The following DMD variants were observed in gnomAD, a reference collection of about 807,000 sequenced individuals.
DMD encodes the protein dystrophin.
In DMD, 63 loss-of-function variants were observed where a neutral mutation model predicts 330.1. That is an observed-to-expected ratio of 0.19 (90% confidence interval 0.16 to 0.24). The LOEUF (loss-of-function observed/expected upper bound fraction) is 0.24. Among genes scored for constraint, DMD ranks in the 10% least tolerant of loss-of-function variants. DMD has a pLI of 1.00. For missense variants in DMD, 3,344 were observed against 2,684.1 expected, an observed-to-expected ratio of 1.25 and a Z score of -5.43; for synonymous variants, 1,223 against 959.8, an observed-to-expected ratio of 1.27 and a Z score of -5.07.
intron 18 of DMD, among the ~76,000 whole-genome samples, chrX:32,509,190 A>C (rs1215102553): frequency 1.2e-4 from 2 of 17,005 alleles, no homozygotes; most frequent in Admixed American, 1.4e-3. Context: ...AAAAAGTGTT[A>C]AAAAAAAAAA....
rs1451049135 is a variant in DMD, at chrX:32,078,892, AAAGTTGATCTC to A, written c.6439-110389_6439-110379del. Among the ~76,000 whole-genome samples, 184 of 112,050 alleles carry A rather than the reference AAAGTTGATCTC, an allele frequency of 1.6e-3. 1 individual carries two copies. The highest frequency in any genetic ancestry group is 5.6e-3 in the African/African-American group (173 of 30,912). On this transcript the variant is annotated intron_variant, in intron 44 of 78. Transcript: ENST00000357033. ...ATTGTTATGGCCATGAAGAATACGA[AAAGTTGATCTC>A]AAGATAGACTTGGCATAAACAAACT...
chrX:32,877,052 AAC>A (rs61442548), intron 2 of DMD, among the ~76,000 whole-genome samples: 11,444 of 112,031 alleles, frequency 0.1, 449 homozygotes, highest in Middle Eastern at 0.16. Context: ...GCCAGTGGAT[AAC>A]AGTGTTATTT....
intron 6 of DMD, among the ~76,000 whole-genome samples, chrX:32,811,268 C>A (rs894024553): frequency 1.8e-5 from 2 of 109,854 alleles, no homozygotes; most frequent in African/African-American, 6.6e-5. Context: ...TCACTTGAGC[C>A]TGGGTGGCTA....
intron 6 of DMD, among the ~76,000 whole-genome samples, chrX:32,810,713 G>C (rs925475130): frequency 1.8e-5 from 2 of 111,349 alleles, no homozygotes; most frequent in Non-Finnish European, 3.8e-5. Flanking sequence ...TCTTGCCTGC[G>C]TTAATTAGTG....
Position 31,875,299 on chromosome X carries a change from CTTT to C in DMD, c.6984_6986del (p.Lys2329del). The C allele has an allele frequency of 1.7e-6, 2 of 1,200,896 alleles. No homozygotes were observed. Among genetic ancestry groups the C allele is most frequent in the Non-Finnish European group, 2.3e-6 (2 of 888,519 alleles). On this transcript the variant is annotated inframe_deletion, in exon 48 of 79. Transcript: ENST00000357033. ...TTAACTGCTCTTCAAGGTCTTCAAG[CTTT>C]TTTTCAAGCTGCCCAAGGTCTTTTA... is the stretch of plus-strand genomic sequence containing the variant.
intron 55 of DMD, among the ~76,000 whole-genome samples, chrX:31,581,471 A>G (rs1185511513): frequency 8.9e-6 from 1 of 112,174 alleles, no homozygotes; most frequent in Non-Finnish European, 1.9e-5. Flanking sequence ...AAGACATTCC[A>G]GTGGGATAAA....
intron 74 of DMD, among the ~76,000 whole-genome samples, chrX:31,148,945 C>T (rs1278238032): frequency 8.9e-6 from 1 of 111,932 alleles, no homozygotes; most frequent in Non-Finnish European, 1.9e-5. Context: ...ATCTTCTACC[C>T]TTATCTTAGT....
intron 12 of DMD, among the ~76,000 whole-genome samples, chrX:32,605,632 AAACAATTCCGAACTATACATCT>A (rs1280135017): frequency 1.9e-4 from 21 of 111,156 alleles, no homozygotes; most frequent in Non-Finnish European, 3.4e-4. Flanking sequence ...ATAGAATGGA[AAACAATTCCGAACTATACATCT>A]AACAAAAAAC....
At chrX:32,359,590 C>A (rs999616527) in intron 37 of DMD, among the ~76,000 whole-genome samples, 4 of 111,493 alleles carry the variant, frequency 3.6e-5, no homozygotes, top group Admixed American at 9.6e-5. Flanking sequence ...CCCCTAAAAC[C>A]TCCAGCACTT....
intron 1 of DMD, 52 bp downstream of exon 1, chrX:33,211,229 CA>C: frequency 8.5e-7 from 1 of 1,183,387 alleles, no homozygotes; most frequent in Non-Finnish European, 1.1e-6. Flanking sequence ...GAGCTTGTCA[CA>C]AACTAAACGT....
At chrX:32,705,573 G>A (rs1021040761) in intron 7 of DMD, among the ~76,000 whole-genome samples, 35 of 111,687 alleles carry the variant, frequency 3.1e-4, no homozygotes, top group African/African-American at 1.1e-3. Flanking sequence ...CAGCACTTCG[G>A]GAGGACGAGG....
chrX:32,099,455 C>T (rs769860135), intron 44 of DMD, among the ~76,000 whole-genome samples: 12 of 109,782 alleles, frequency 1.1e-4, no homozygotes, highest in South Asian at 4.0e-4. Context: ...ATGTTTATTG[C>T]GGCTCTATTC....
chrX:32,062,120 A>T (rs2096230220), intron 44 of DMD, among the ~76,000 whole-genome samples: 1 of 111,203 alleles, frequency 9.0e-6, no homozygotes, highest in Non-Finnish European at 1.9e-5. Context: ...CTCAACTGAA[A>T]CTGATAGCTG....
intron 1 of DMD, among the ~76,000 whole-genome samples, chrX:33,321,243 C>T (rs1277596932): frequency 2.7e-5 from 3 of 111,168 alleles, no homozygotes; most frequent in Non-Finnish European, 5.7e-5. Flanking sequence ...TTATTTACAG[C>T]AGCTATAACC....
intron 29 of DMD, among the ~76,000 whole-genome samples, chrX:32,421,998 T>G (rs1392550669): frequency 1.8e-5 from 2 of 111,542 alleles, no homozygotes; most frequent in African/African-American, 6.5e-5. Context: ...TGCAGTTTCC[T>G]AGAAAGCGTT....
At chrX:31,497,736 G>T (rs1222202550) in intron 56 of DMD, among the ~76,000 whole-genome samples, 3 of 112,186 alleles carry the variant, frequency 2.7e-5, no homozygotes, top group African/African-American at 9.7e-5. Flanking sequence ...TTCACTTGAA[G>T]ATGAGAAGCT....
chrX:32,698,019 G>C, intron 8 of DMD, 21 bp from the exon 9 acceptor site: 1 of 1,178,263 alleles, frequency 8.5e-7, no homozygotes, highest in Non-Finnish European at 1.1e-6. Flanking sequence ...GGGTTTGGGG[G>C]AGTGGATAGA....
At chrX:32,725,885 T>C (rs1329490706) in intron 7 of DMD, among the ~76,000 whole-genome samples, 1 of 111,193 alleles carries the variant, frequency 9.0e-6, no homozygotes, top group Non-Finnish European at 1.9e-5. Context: ...GGATACCCCA[T>C]TCTCCATGTG....
chrX:32,389,801 G>A, intron 31 of DMD, 127 bp from the exon 32 acceptor site: 2 of 702,087 alleles, frequency 2.8e-6, no homozygotes, highest in Non-Finnish European at 4.3e-6. Context: ...AAATAAAGCA[G>A]TATTTTTCCA....
Sources: gnomAD v4.1 joint callset for allele counts (sites outside exome capture counted in the v4.1 genomes callset) on GRCh38, gnomAD v4.1.1 for gene constraint, MANE v1.5 for transcripts, NCBI Gene and HGNC (gene_info 2026-07-23, HGNC 2026-07-21) for gene names.